FHIP1A: variants seen among roughly 807,000 people sequenced by gnomAD.
FHIP1A encodes the protein FHF complex subunit HOOK interacting protein 1A, also known as FHF complex subunit HOOK-interacting protein 1A.
A neutral mutation model predicts 88.6 loss-of-function variants in FHIP1A; 61 were observed. The observed-to-expected ratio is 0.69, with a 90% CI of 0.56 to 0.85. FHIP1A has a LOEUF of 0.85. Ranked by LOEUF, FHIP1A falls within the 40% of genes least tolerant of loss-of-function variation. The probability of loss-of-function intolerance (pLI) is 0.00; values close to 1 mark genes in which losing one functional copy is unlikely to be tolerated. For synonymous variants in FHIP1A, 478 were observed against 496.0 expected, an observed-to-expected ratio of 0.96 and a Z score of 0.48; for missense variants, 1,154 against 1,273.5, an observed-to-expected ratio of 0.91 and a Z score of 1.43.
chr4:151,458,127 G>T lies in FHIP1A; in HGVS notation c.-248+3319G>T, dbSNP rs192749887. ...TCCCCACCTTAGAGATGAAACTGAG[G>T]CTTAGAGAGGTTCTTTGCCCATGTC... On this transcript the variant is annotated intron_variant, in intron 2 of 13. Transcript: ENST00000435205. Among the ~76,000 whole-genome samples the T allele has an allele frequency of 2.6e-3, 403 of 152,336 alleles. 1 individual carries two copies. The highest frequency in any genetic ancestry group is 4.7e-3 in the Non-Finnish European group (321 of 68,028).
chr4:151,592,242 C>T (rs1734465032), intron 7 of FHIP1A, among the ~76,000 whole-genome samples: 1 of 152,136 alleles, frequency 6.6e-6, no homozygotes, highest in Non-Finnish European at 1.5e-5. Context: ...TCATGCGATT[C>T]TCCTGCCTCA....
At position 151,646,626 on chromosome 4, in the gene FHIP1A, C is replaced by G; in HGVS notation, c.1295C>G (p.Ser432Cys). ...GCTGTGAAGGAGAGAGACTGTTACTCTGTTTCTGCGGCCAAGCTTCTCGCC... is the reference window on the plus strand; with the variant it reads ...GCTGTGAAGGAGAGAGACTGTTACTGTGTTTCTGCGGCCAAGCTTCTCGCC... ...RWAVKERDCY[S>C]VSAAKLLALT... The change falls in exon 10 of 14, where the codon TCT becomes TGT. Residue 432 changes from serine (S) to cysteine (C), a missense_variant. Ser to Cys is a moderately radical substitution (Grantham distance 112, BLOSUM62 -1). Coordinates refer to ENST00000435205, the MANE Select transcript of FHIP1A (RefSeq NM_001109977.3). The G allele has an allele frequency of 6.4e-7, 1 of 1,551,638 alleles. No individual in the cohort carries two copies. The highest frequency in any genetic ancestry group is 8.7e-7 in the Non-Finnish European group (1 of 1,146,916).
intron 10 of FHIP1A, among the ~76,000 whole-genome samples, chr4:151,647,786 A>G (rs1045886631): frequency 6.6e-6 from 1 of 152,194 alleles, no homozygotes; most frequent in African/African-American, 2.4e-5. Flanking sequence ...TTACTATGAA[A>G]GTTTTTTCAA....
intron 4 of FHIP1A, among the ~76,000 whole-genome samples, chr4:151,570,707 C>G (rs565662643): frequency 6.6e-6 from 1 of 152,274 alleles, no homozygotes; most frequent in Admixed American, 6.5e-5. Flanking sequence ...AACTTACATC[C>G]CCATTGCCCG....
intron 7 of FHIP1A, among the ~76,000 whole-genome samples, chr4:151,592,331 T>G (rs975669940): frequency 1.3e-5 from 2 of 152,166 alleles, no homozygotes; most frequent in African/African-American, 4.8e-5. Flanking sequence ...AGATGGGGTT[T>G]CACTGTGTTA....
chr4:151,536,273 A>G (rs1020362410), intron 3 of FHIP1A, among the ~76,000 whole-genome samples: 1 of 152,214 alleles, frequency 6.6e-6, no homozygotes, highest in African/African-American at 2.4e-5. Context: ...ACATTGATAC[A>G]GTTCACACAT....
chr4:151,527,494 G>A (rs1731720606), intron 3 of FHIP1A, among the ~76,000 whole-genome samples: 2 of 152,108 alleles, frequency 1.3e-5, no homozygotes, highest in Non-Finnish European at 2.9e-5. Flanking sequence ...GCTTCGGCTC[G>A]GCATCAGAGG....
At chr4:151,444,590 A>T (rs968789977) in intron 1 of FHIP1A, among the ~76,000 whole-genome samples, 1 of 152,082 alleles carries the variant, frequency 6.6e-6, no homozygotes, top group Non-Finnish European at 1.5e-5. Context: ...TTTGCTTTTT[A>T]AAAAAATTCA....
intron 3 of FHIP1A, among the ~76,000 whole-genome samples, chr4:151,494,289 G>T (rs959470654): frequency 1.3e-5 from 2 of 152,126 alleles, no homozygotes; most frequent in African/African-American, 4.8e-5. Context: ...ATCTTCCAGG[G>T]TTTTTATAGT....
In FHIP1A at chr4:151,419,568, CTTTTTTTTTTTTTTTTTTT is replaced by C. The variant is rs70941499; in HGVS notation, c.-356+10119_-356+10137del. ...CTGCCATGCTGGTCTGTTCCTCATT[CTTTTTTTTTTTTTTTTTTT>C]TTTTTTTTTTTTTTTATTATACTCT... On this transcript the variant is annotated intron_variant, in intron 1 of 13. Transcript: ENST00000435205. Among the ~76,000 whole-genome samples the C allele has an allele frequency of 1.4e-4, 3 of 21,990 alleles. 1 individual carries two copies. Among genetic ancestry groups the C allele is most frequent in the South Asian group, 4.2e-3 (2 of 480 alleles). The allele number at this position is 21,990 out of a possible 152,430, so 14.4% of individuals were successfully genotyped here.
Position 151,649,606 on chromosome 4 carries a change from C to T in FHIP1A, c.1565C>T (p.Ser522Phe). Reference sequence around the variant, plus strand: ...TGCATGAGGGACTGCCGTGTCTGGTCCGCCCTGTATGATGGCGACTCCCCC... The same window carrying T: ...TGCATGAGGGACTGCCGTGTCTGGTTCGCCCTGTATGATGGCGACTCCCCC... ...LRCMRDCRVWSALYDGDSPDP... is the reference protein window; with the variant it reads ...LRCMRDCRVWFALYDGDSPDP... Residue 522 changes from serine (S) to phenylalanine (F), a missense_variant, in exon 11 of 14, where the codon TCC becomes TTC. Coordinates refer to ENST00000435205, the MANE Select transcript of FHIP1A (RefSeq NM_001109977.3). 5 of 1,551,724 alleles carry T rather than the reference C, an allele frequency of 3.2e-6. No homozygotes were observed. The highest frequency in any genetic ancestry group is 4.4e-6 in the Non-Finnish European group (5 of 1,146,992).
At chr4:151,526,479 C>CG (rs934703769) in intron 3 of FHIP1A, among the ~76,000 whole-genome samples, 7 of 111,254 alleles carry the variant, frequency 6.3e-5, no homozygotes, top group African/African-American at 2.1e-4. Context: ...GCTGGCCGGG[C>CG]GGGGGGCTGA....
At chr4:151,593,404 G>A (rs1734518575) in intron 7 of FHIP1A, among the ~76,000 whole-genome samples, 1 of 152,184 alleles carries the variant, frequency 6.6e-6, no homozygotes, top group African/African-American at 2.4e-5. Context: ...AGCATAGAAT[G>A]TTTTTCCATT....
chr4:151,475,686 T>C (rs1387286132), intron 2 of FHIP1A, among the ~76,000 whole-genome samples: 1 of 152,094 alleles, frequency 6.6e-6, no homozygotes, highest in African/African-American at 2.4e-5. Context: ...GTGGGGCTGC[T>C]TAGGAAATAA....
At chr4:151,508,937 C>G (rs141530254) in intron 3 of FHIP1A, among the ~76,000 whole-genome samples, 3 of 152,244 alleles carry the variant, frequency 2.0e-5, no homozygotes, top group African/African-American at 7.2e-5. Context: ...CCCAAAAAAT[C>G]TAGGAAACCC....
intron 7 of FHIP1A, among the ~76,000 whole-genome samples, chr4:151,606,177 A>T (rs1462002007): frequency 6.6e-6 from 1 of 151,996 alleles, no homozygotes; most frequent in Non-Finnish European, 1.5e-5. Flanking sequence ...AGTCTGGGAG[A>T]TAGTAGCGGG....
intron 3 of FHIP1A, among the ~76,000 whole-genome samples, chr4:151,512,636 C>T (rs1393822096): frequency 1.3e-5 from 2 of 151,966 alleles, no homozygotes; most frequent in East Asian, 1.9e-4. Flanking sequence ...AGCCAAGGCT[C>T]GAGAACTACG....
chr4:151,543,516 A>G (rs1732375256), intron 3 of FHIP1A, among the ~76,000 whole-genome samples: 1 of 152,224 alleles, frequency 6.6e-6, no homozygotes, highest in Non-Finnish European at 1.5e-5. Flanking sequence ...GACACCAAAG[A>G]ATAGCATACA....
At chr4:151,417,650 T>TGAATCAGCCTTAG (rs906876106) in intron 1 of FHIP1A, among the ~76,000 whole-genome samples, 1 of 152,164 alleles carries the variant, frequency 6.6e-6, no homozygotes, top group African/African-American at 2.4e-5. Context: ...GAAGTCAGCA[T>TGAATCAGCCTTAG]GAATCAGCCT....
Sources: gnomAD v4.1 joint callset for allele counts (sites outside exome capture counted in the v4.1 genomes callset) on GRCh38, gnomAD v4.1.1 for gene constraint, MANE v1.5 for transcripts, NCBI Gene and HGNC (gene_info 2026-07-23, HGNC 2026-07-21) for gene names.